Variants in TMEM117 observed in about 807,000 individuals in gnomAD.
TMEM117 encodes the protein transmembrane protein 117.
TMEM117 carries 27 observed loss-of-function variants against 52.4 expected under a neutral mutation model. That is an observed-to-expected ratio of 0.51 (90% CI 0.38 to 0.71). The LOEUF is 0.71. Among genes scored for constraint, TMEM117 ranks in the 30% least tolerant of loss-of-function variants. The pLI is 0.00. For missense variants in TMEM117, 556 were observed against 630.5 expected (o/e 0.88, Z 1.26); for synonymous variants, 215 against 206.3 (o/e 1.04, Z -0.36).
intron 3 of TMEM117, among the ~76,000 whole-genome samples, chr12:43,958,876 G>T (rs1478959572): frequency 6.6e-6 from 1 of 151,892 alleles, no homozygotes; most frequent in Admixed American, 6.6e-5. Context: ...GCGGGATCTC[G>T]GCTCACTGCA....
chr12:43,797,905 C>G, the TMEM117 span: 1 of 1,496,740 alleles, frequency 6.7e-7, no homozygotes, highest in Non-Finnish European at 9.1e-7. Context: ...GAAAACCCAA[C>G]CTCTATAAAA....
chr12:43,874,012 T>A (rs1436479851), intron 2 of TMEM117, among the ~76,000 whole-genome samples: 1 of 152,038 alleles, frequency 6.6e-6, no homozygotes, highest in Non-Finnish European at 1.5e-5. Flanking sequence ...ATGTTTTTTT[T>A]CATTTGTTAT....
chr12:44,074,811 A>C (rs1032340253), intron 3 of TMEM117, among the ~76,000 whole-genome samples: 1 of 152,170 alleles, frequency 6.6e-6, no homozygotes, highest in Non-Finnish European at 1.5e-5. Context: ...GGCAAATTCA[A>C]CCTTTTCATG....
intron 2 of TMEM117, among the ~76,000 whole-genome samples, chr12:43,889,715 A>G (rs1322005279): frequency 6.6e-6 from 1 of 152,248 alleles, no homozygotes; most frequent in African/African-American, 2.4e-5. Flanking sequence ...GGGACAGACT[A>G]TAACCACTTT....
intron 3 of TMEM117, among the ~76,000 whole-genome samples, chr12:44,019,087 AAGG>A (rs1946416927): frequency 6.6e-6 from 1 of 152,120 alleles, no homozygotes; most frequent in Non-Finnish European, 1.5e-5. Context: ...GAGGCCAGGG[AAGG>A]AGGAGATTTA....
At chr12:44,099,688 A>G (rs761250138) in intron 3 of TMEM117, among the ~76,000 whole-genome samples, 17 of 152,082 alleles carry the variant, frequency 1.1e-4, no homozygotes, top group Non-Finnish European at 2.2e-4. Flanking sequence ...TGCATAAAAC[A>G]TGACTTCAAA....
intron 3 of TMEM117, among the ~76,000 whole-genome samples, chr12:43,951,993 G>A (rs1016895071): frequency 3.9e-5 from 6 of 152,146 alleles, no homozygotes; most frequent in Non-Finnish European, 7.4e-5. Context: ...TAACCCAGGC[G>A]AACAGAGTCT....
intron 6 of TMEM117, among the ~76,000 whole-genome samples, chr12:44,338,473 C>T (rs1004855774): frequency 5.3e-5 from 8 of 151,832 alleles, no homozygotes; most frequent in East Asian, 1.9e-4. Flanking sequence ...CACACACATA[C>T]GCACATACAC....
At chr12:44,074,436 A>C (rs1947350132) in intron 3 of TMEM117, among the ~76,000 whole-genome samples, 1 of 152,194 alleles carries the variant, frequency 6.6e-6, no homozygotes, top group Admixed American at 6.6e-5. Context: ...TAAATTTACG[A>C]AGTCTCAGTC....
intron 3 of TMEM117, among the ~76,000 whole-genome samples, chr12:44,137,206 A>G (rs1230630264): frequency 2.0e-5 from 3 of 152,102 alleles, no homozygotes; most frequent in Admixed American, 6.6e-5. Context: ...ATGATTTAAC[A>G]TAGAGGTATA....
In TMEM117 at chr12:44,023,543, T is replaced by A. The variant is rs1286478042; in HGVS notation, c.410+79201T>A. ...TAACTGGTGTGAGATGGTATCTCAT[T>A]GTGGTTTTGATTCGCATTTCTCTGA... On this transcript the variant is annotated intron_variant, in intron 3 of 7. Coordinates refer to ENST00000266534, the MANE Select transcript of TMEM117 (RefSeq NM_032256.3). 7.2e-5 allele frequency among the ~76,000 whole-genome samples: 11 copies of A among 152,220 alleles called. No homozygotes were observed. The South Asian group carries it at 2.3e-3, about 32-fold the overall frequency.
At chr12:44,311,909 G>GTATA (rs1950995007) in intron 6 of TMEM117, among the ~76,000 whole-genome samples, 3 of 114,454 alleles carry the variant, frequency 2.6e-5, no homozygotes, top group Admixed American at 1.7e-4. Flanking sequence ...ATATATATAT[G>GTATA]TGTGTATATA....
At chr12:44,059,500 T>C (rs191324941) in intron 3 of TMEM117, among the ~76,000 whole-genome samples, 31 of 152,320 alleles carry the variant, frequency 2.0e-4, no homozygotes, top group Admixed American at 1.8e-3. Context: ...TCTCACTCTT[T>C]CATTTTGGGG....
At chr12:44,146,261 G>A (rs1042084530) in intron 4 of TMEM117, among the ~76,000 whole-genome samples, 2 of 152,110 alleles carry the variant, frequency 1.3e-5, no homozygotes, top group East Asian at 3.8e-4. Flanking sequence ...GACCTTCATA[G>A]TTTCTTCTAA....
intron 2 of TMEM117, among the ~76,000 whole-genome samples, chr12:43,899,728 A>G (rs938444815): frequency 2.6e-5 from 4 of 152,186 alleles, no homozygotes; most frequent in African/African-American, 9.7e-5. Context: ...AATACCCACC[A>G]CAGTGCAAAG....
At chr12:44,119,892 G>A (rs77242405) in intron 3 of TMEM117, among the ~76,000 whole-genome samples, 4 of 152,288 alleles carry the variant, frequency 2.6e-5, no homozygotes, top group Non-Finnish European at 5.9e-5. Flanking sequence ...AGGACTGAGA[G>A]GTCTGTGGGA....
At chr12:43,869,891 T>G (rs1167532266) in intron 2 of TMEM117, among the ~76,000 whole-genome samples, 2 of 152,200 alleles carry the variant, frequency 1.3e-5, no homozygotes, top group African/African-American at 2.4e-5. Flanking sequence ...CCATTAACTT[T>G]TATTCCTGAT....
intron 3 of TMEM117, among the ~76,000 whole-genome samples, chr12:44,034,407 A>G (rs1043012887): frequency 2.6e-5 from 4 of 152,198 alleles, no homozygotes; most frequent in African/African-American, 4.8e-5. Context: ...TAGCATTGGT[A>G]TTAGATATAA....
intron 3 of TMEM117, among the ~76,000 whole-genome samples, chr12:44,050,226 G>T (rs1442058350): frequency 6.6e-6 from 1 of 152,204 alleles, no homozygotes; most frequent in African/African-American, 2.4e-5. Context: ...ACCCAGGCTG[G>T]AGTGCAGTGG....
Sources: gnomAD v4.1 joint callset for allele counts (sites outside exome capture counted in the v4.1 genomes callset) on GRCh38, gnomAD v4.1.1 for gene constraint, MANE v1.5 for transcripts, NCBI Gene and HGNC (gene_info 2026-07-23, HGNC 2026-07-21) for gene names.